DNAJB12: variants seen among roughly 807,000 people sequenced by gnomAD.
DNAJB12 encodes the protein DnaJ heat shock protein family (Hsp40) member B12.
A neutral mutation model predicts 40.6 loss-of-function variants in DNAJB12; 14 were observed. The observed-to-expected ratio is 0.34, with a 90% CI of 0.23 to 0.54. DNAJB12 has a LOEUF of 0.54. Among genes scored for constraint, DNAJB12 ranks in the 20% least tolerant of loss-of-function variants. The pLI is 0.92. For synonymous variants in DNAJB12, 181 were observed against 199.5 expected (o/e 0.91, Z 0.78); for missense variants, 444 against 501.7 (o/e 0.89, Z 1.10).
At position 72,341,238 on chromosome 10, in the gene DNAJB12, G is replaced by T. The variant is rs1365394468; in HGVS notation, c.458-68C>A. ...GCGGGGGGAGGCTCCCATGGCAGCCGAGTGCTCACTTTTCTCAGGTACTCA... is the reference window on the plus strand; with the variant it reads ...GCGGGGGGAGGCTCCCATGGCAGCCTAGTGCTCACTTTTCTCAGGTACTCA... On this transcript the variant is annotated intron_variant, in intron 3 of 8. Transcript: ENST00000444643. 6 of 1,466,126 alleles carry T rather than the reference G, an allele frequency of 4.1e-6. 1 individual carries two copies. In the African/African-American group the frequency reaches 4.2e-5, roughly 10 times the overall value. 90.8% of individuals were successfully genotyped at this position (1,466,126 alleles called of 1,614,324 possible).
Position 72,335,455 on chromosome 10 carries a change from G to A in DNAJB12, c.*30+325C>T. ...GGAGAAAGGGCCGTGCTGACTGATG[G>A]CTGGAGTGGACCAAGAAGCCCCGGG... On this transcript the variant is annotated intron_variant, in intron 8 of 8. Coordinates refer to ENST00000444643, the MANE Select transcript of DNAJB12 (RefSeq NM_017626.7). This position sits in a 1 kb window ranked among gnomAD's most constrained non-coding sequence, Gnocchi z 4.4. The A allele has an allele frequency of 9.0e-7, 1 of 1,106,192 alleles. No homozygotes were observed. 68.5% of individuals were successfully genotyped at this position (1,106,192 alleles called of 1,614,324 possible). A position where few individuals can be genotyped will look rare whatever the true frequency, so the allele number is the denominator to read the frequency against.
At chr10:72,349,860 T>C (rs929269734) in intron 1 of DNAJB12, among the ~76,000 whole-genome samples, 3 of 152,172 alleles carry the variant, frequency 2.0e-5, no homozygotes, top group Non-Finnish European at 4.4e-5. Context: ...AGATTTCCAG[T>C]TGCTGGCAAG....
intron 2 of DNAJB12, 64 bp downstream of exon 2, chr10:72,344,886 T>A: frequency 6.3e-7 from 1 of 1,588,332 alleles, no homozygotes. Context: ...GTGGAGGACA[T>A]GCTCCAGGAA....
chr10:72,346,298 G>A (rs1861785214), intron 1 of DNAJB12, among the ~76,000 whole-genome samples: 2 of 151,312 alleles, frequency 1.3e-5, no homozygotes, highest in South Asian at 2.1e-4. Context: ...TGAGTAGCTG[G>A]TACTACAGGC....
intron 5 of DNAJB12, among the ~76,000 whole-genome samples, chr10:72,338,662 A>G (rs1861545091): frequency 6.6e-6 from 1 of 152,152 alleles, no homozygotes; most frequent in Non-Finnish European, 1.5e-5. Flanking sequence ...TGAACCACAC[A>G]AATATATTAC....
rs1467890819 is a variant in DNAJB12 at position 72,334,618 on chromosome 10, C to A, written c.*31-1G>T. The A allele has an allele frequency of 1.3e-6, 2 of 1,532,860 alleles. No individual in the cohort carries two copies. Among genetic ancestry groups the A allele is most frequent in the Admixed American group, 2.0e-5 (1 of 50,064 alleles). The allele number at this position is 1,532,860 out of a possible 1,614,324, so 95.0% of individuals were successfully genotyped here. On this transcript the variant is annotated splice_acceptor_variant, in intron 8 of 8. Coordinates refer to ENST00000444643, the MANE Select transcript of DNAJB12 (RefSeq NM_017626.7). LOFTEE classifies it low-confidence loss of function (3UTR_SPLICE). ...AAAAATTCTCCAGGGATTTCATAGTCTGGGGAGGAGAGTGGCAACAGTTAG... is the reference window on the plus strand; with the variant it reads ...AAAAATTCTCCAGGGATTTCATAGTATGGGGAGGAGAGTGGCAACAGTTAG...
Position 72,334,483 on chromosome 10 carries a change from G to T in DNAJB12, c.*165C>A, listed in dbSNP as rs1861410989. ...AGAGCTTTCTGCATTTACTGGGTGA[G>T]AGAGAGGGCAGCTGTGCAGCGTTCG... On this transcript the variant is annotated 3_prime_UTR_variant, in exon 9 of 9. Transcript: ENST00000444643. 3 of 1,343,878 alleles carry T rather than the reference G, an allele frequency of 2.2e-6. No individual in the cohort carries two copies. Among genetic ancestry groups the T allele is most frequent in the African/African-American group, 1.4e-5 (1 of 69,144 alleles). 83.2% of individuals were successfully genotyped at this position (1,343,878 alleles called of 1,614,324 possible). A position where few individuals can be genotyped will look rare whatever the true frequency, so the allele number is the denominator to read the frequency against.
chr10:72,336,868 A>T, intron 6 of DNAJB12, 172 bp from the exon 7 acceptor site: 1 of 551,680 alleles, frequency 1.8e-6, no homozygotes, highest in Non-Finnish European at 3.2e-6. Flanking sequence ...AGGAAAAGGC[A>T]GCGTCCTCCC....
Position 72,335,956 on chromosome 10 carries a change from G to A in DNAJB12, c.1007-25C>T, listed in dbSNP as rs758071066. ...TCTGCAAAGCAATGGGACAGGGTTA[G>A]TGCACACCCAGTACCTCCCGAAGCC... is the stretch of plus-strand genomic sequence containing the variant. On this transcript the variant is annotated intron_variant, in intron 7 of 8. Coordinates refer to ENST00000444643, the MANE Select transcript of DNAJB12 (RefSeq NM_017626.7). The surrounding 1 kb of genome is among the most constrained non-coding windows in gnomAD (Gnocchi z 4.4). 1.9e-6 allele frequency: 3 copies of A among 1,613,622 alleles called. No individual in the cohort carries two copies. Among genetic ancestry groups the A allele is most frequent in the South Asian group, 1.1e-5 (1 of 91,034 alleles).
At position 72,336,501 on chromosome 10, in the gene DNAJB12, C is replaced by A. The variant is rs755956560; in HGVS notation, c.1006+23G>T. 22 of 1,608,824 alleles carry A rather than the reference C, an allele frequency of 1.4e-5. No individual in the cohort carries two copies. In the Admixed American group the frequency reaches 3.3e-4, roughly 24 times the overall value. On this transcript the variant is annotated intron_variant, in intron 7 of 8. Coordinates refer to ENST00000444643, the MANE Select transcript of DNAJB12 (RefSeq NM_017626.7). Reference sequence around the variant, plus strand: ...TCCCAAGCCACCTCCCAAATACAGCCCCCGCCTTCCCCCCACACTCACTCT... The same window carrying A: ...TCCCAAGCCACCTCCCAAATACAGCACCCGCCTTCCCCCCACACTCACTCT...
At chr10:72,339,736 CGG>C (rs1861579056) in intron 5 of DNAJB12, among the ~76,000 whole-genome samples, 1 of 146,792 alleles carries the variant, frequency 6.8e-6, no homozygotes, top group South Asian at 2.1e-4. Flanking sequence ...TTTTTTGAGA[CGG>C]AGTCTTGCTC....
At chr10:72,338,363 C>A (rs1351433152) in intron 5 of DNAJB12, 52 bp from the exon 6 acceptor site, 1 of 1,483,384 alleles carries the variant, frequency 6.7e-7, no homozygotes, top group Non-Finnish European at 9.4e-7. Context: ...GGTGTGGTGT[C>A]AGCCATAATC....
chr10:72,349,203 G>A (rs1289267472), intron 1 of DNAJB12, among the ~76,000 whole-genome samples: 1 of 152,140 alleles, frequency 6.6e-6, no homozygotes, highest in East Asian at 1.9e-4. Context: ...CGGTGGCGGA[G>A]GATGAAATGG....
chr10:72,343,426 G>A lies in DNAJB12; in HGVS notation c.397C>T (p.Leu133=), dbSNP rs1564820972. The A allele has an allele frequency of 1.2e-6, 2 of 1,614,218 alleles. No homozygotes were observed. The highest frequency in any genetic ancestry group is 8.5e-7 in the Non-Finnish European group (1 of 1,180,030). ...TTGTCTGGGTGGAATTTGAGGGCCA[G>A]TCTGCGGTAGGCCTTCTTCAGGTCC... ...DEDLKKAYRR[L]ALKFHPDKNH... Residue 133 remains leucine, a synonymous_variant, in exon 3 of 9, where the codon CTG becomes TTG. Transcript: ENST00000444643.
In DNAJB12 at chr10:72,335,557, A is replaced by G. The variant is rs1056645112; in HGVS notation, c.*30+223T>C. Reference sequence around the variant, plus strand: ...CCACACCCCTGGAGCCAGGGAGCAGAGCGGAGGAGTGGGGAGGACAGCATC... The same window carrying G: ...CCACACCCCTGGAGCCAGGGAGCAGGGCGGAGGAGTGGGGAGGACAGCATC... On this transcript the variant is annotated intron_variant, in intron 8 of 8. Coordinates refer to ENST00000444643, the MANE Select transcript of DNAJB12 (RefSeq NM_017626.7). This position sits in a 1 kb window ranked among gnomAD's most constrained non-coding sequence, Gnocchi z 4.4. 4.1e-5 allele frequency: 54 copies of G among 1,316,578 alleles called. No homozygotes were observed. Among genetic ancestry groups the G allele is most frequent in the Middle Eastern group, 3.0e-4 (1 of 3,386 alleles). The allele number at this position is 1,316,578 out of a possible 1,614,324, so 81.6% of individuals were successfully genotyped here.
intron 7 of DNAJB12, 28 bp downstream of exon 7, chr10:72,336,496 A>C (rs754182998): frequency 3.4e-5 from 55 of 1,605,676 alleles, no homozygotes; most frequent in Non-Finnish European, 4.6e-5. Flanking sequence ...CCTCCCAAAT[A>C]CAGCCCCCGC....
At chr10:72,336,764 C>T in intron 6 of DNAJB12, 68 bp from the exon 7 acceptor site, 1 of 1,432,624 alleles carries the variant, frequency 7.0e-7, no homozygotes, top group Non-Finnish European at 9.7e-7. Context: ...GGGGTATGGG[C>T]CCCAAGACAG....
chr10:72,338,453 C>G, intron 5 of DNAJB12, 142 bp from the exon 6 acceptor site: 1 of 594,182 alleles, frequency 1.7e-6, no homozygotes, highest in Non-Finnish European at 2.9e-6. Context: ...CTCCAAAACA[C>G]AGACGCTCCT....
At chr10:72,353,632 T>C (rs1042830622) in intron 1 of DNAJB12, 28 of 152,300 alleles carry the variant, frequency 1.8e-4, no homozygotes, top group African/African-American at 5.8e-4. Context: ...TCCTCACCCA[T>C]AGAATAAAGA....
Sources: gnomAD v4.1 joint callset for allele counts (sites outside exome capture counted in the v4.1 genomes callset) on GRCh38, gnomAD v4.1.1 for gene constraint, Gnocchi (gnomAD v3.1) non-coding constraint, MANE v1.5 for transcripts, NCBI Gene and HGNC (gene_info 2026-07-23, HGNC 2026-07-21) for gene names.